Variants in COL25A1 observed in about 807,000 individuals in gnomAD.
COL25A1 encodes the protein collagen type XXV alpha 1 chain.
In COL25A1, 103 loss-of-function variants were observed where a neutral mutation model predicts 128.4. That is an observed-to-expected ratio of 0.80 (90% CI 0.68 to 0.94). The LOEUF (loss-of-function observed/expected upper bound fraction) is 0.94, where lower values mean the gene tolerates loss of function less well. Among genes scored for constraint, COL25A1 ranks in the 40% least tolerant of loss-of-function variants. The pLI is 0.00. For synonymous variants in COL25A1, 279 were observed against 277.2 expected (o/e 1.01, Z -0.06); for missense variants, 745 against 840.0 (o/e 0.89, Z 1.40).
chr4:109,106,823 A>AGT (rs1204488700), intron 3 of COL25A1, among the ~76,000 whole-genome samples: 1 of 152,198 alleles, frequency 6.6e-6, no homozygotes, highest in East Asian at 1.9e-4. Context: ...CATGAAGTGC[A>AGT]GTGGCACAGT....
chr4:108,900,596 C>A (rs1742717506), intron 14 of COL25A1, among the ~76,000 whole-genome samples: 1 of 152,104 alleles, frequency 6.6e-6, no homozygotes, highest in Non-Finnish European at 1.5e-5. Context: ...ATAAAAAAAT[C>A]TTCATTACAT....
chr4:108,907,870 C>T (rs34519008), intron 13 of COL25A1, among the ~76,000 whole-genome samples: 72,514 of 151,784 alleles, frequency 0.48, 19,566 homozygotes, highest in East Asian at 0.93. Flanking sequence ...GTTCAGTACA[C>T]TGGTGTTAGA....
chr4:109,021,810 T>C (rs1560554561), intron 5 of COL25A1: 1 of 451,820 alleles, frequency 2.2e-6, no homozygotes, highest in Non-Finnish European at 4.4e-6. Flanking sequence ...TGGGAGTGTC[T>C]GTCCTATGCG....
chr4:109,265,080 T>C (rs549779448), intron 3 of COL25A1, among the ~76,000 whole-genome samples: 1 of 152,304 alleles, frequency 6.6e-6, no homozygotes, highest in Non-Finnish European at 1.5e-5. Flanking sequence ...TTCAGACATA[T>C]TTGACATTTC....
chr4:109,066,129 T>C (rs1447962692), intron 3 of COL25A1, among the ~76,000 whole-genome samples: 1 of 152,188 alleles, frequency 6.6e-6, no homozygotes, highest in Non-Finnish European at 1.5e-5. Context: ...ATAATAGTGA[T>C]GGAAATATCT....
chr4:109,297,180 G>A (rs1339294525), intron 3 of COL25A1, among the ~76,000 whole-genome samples: 2 of 152,002 alleles, frequency 1.3e-5, no homozygotes, highest in Non-Finnish European at 2.9e-5. Context: ...GAGCTTTTCT[G>A]ACTGCATGAA....
intron 27 of COL25A1, among the ~76,000 whole-genome samples, 169 bp downstream of exon 27, chr4:108,848,590 G>T (rs114367464): frequency 6.6e-6 from 1 of 152,072 alleles, no homozygotes; most frequent in East Asian, 1.9e-4. Context: ...ATGTTTTTGC[G>T]AAGAAAACTA....
At chr4:108,937,192 G>T (rs534093714) in intron 11 of COL25A1, among the ~76,000 whole-genome samples, 3 of 152,186 alleles carry the variant, frequency 2.0e-5, no homozygotes, top group Non-Finnish European at 4.4e-5. Context: ...GAGGGGACAG[G>T]AAGAGGTAGG....
chr4:109,150,003 T>G (rs1054587685), intron 3 of COL25A1, among the ~76,000 whole-genome samples: 2 of 150,850 alleles, frequency 1.3e-5, no homozygotes, highest in African/African-American at 2.5e-5. Context: ...TGTGTGGGTG[T>G]GTGTGTGTGT....
At chr4:108,844,593 G>T in intron 29 of COL25A1, 24 bp from the exon 30 acceptor site, 1 of 1,606,010 alleles carries the variant, frequency 6.2e-7, no homozygotes, top group Non-Finnish European at 8.5e-7. Flanking sequence ...AAATAAAAAT[G>T]TATTTGGTTA....
intron 11 of COL25A1, among the ~76,000 whole-genome samples, chr4:108,928,647 ATCC>A (rs1380897921): frequency 6.6e-6 from 1 of 151,736 alleles, no homozygotes; most frequent in Non-Finnish European, 1.5e-5. Flanking sequence ...GCCTCAAGCG[ATCC>A]TCCTGTCTCA....
chr4:108,930,987 C>G (rs1482310279), intron 11 of COL25A1, among the ~76,000 whole-genome samples: 1 of 152,018 alleles, frequency 6.6e-6, no homozygotes, highest in Non-Finnish European at 1.5e-5. Context: ...TTTGATAAGA[C>G]AGATCAATTA....
chr4:109,299,209 G>A (rs1725275842), intron 3 of COL25A1, among the ~76,000 whole-genome samples: 1 of 152,152 alleles, frequency 6.6e-6, no homozygotes, highest in Non-Finnish European at 1.5e-5. Context: ...GTGAAGTCCT[G>A]CACCAACTGT....
At chr4:109,043,704 C>T (rs1224887721) in intron 5 of COL25A1, among the ~76,000 whole-genome samples, 1 of 152,102 alleles carries the variant, frequency 6.6e-6, no homozygotes, top group East Asian at 1.9e-4. Context: ...AGACTGCACC[C>T]ACTATTGACT....
intron 3 of COL25A1, among the ~76,000 whole-genome samples, chr4:109,151,926 T>A (rs1771539123): frequency 6.6e-6 from 1 of 152,172 alleles, no homozygotes; most frequent in African/African-American, 2.4e-5. Flanking sequence ...CTTAGAGTTT[T>A]AAGCTGATTG....
chr4:109,222,195 C>T (rs1044242560), intron 3 of COL25A1, among the ~76,000 whole-genome samples: 2 of 148,838 alleles, frequency 1.3e-5, no homozygotes, highest in Admixed American at 1.3e-4. Context: ...TCCAGAGTAG[C>T]TAAGATTACA....
intron 3 of COL25A1, among the ~76,000 whole-genome samples, chr4:109,073,217 CAAGA>C (rs1763124368): frequency 1.3e-5 from 2 of 152,092 alleles, no homozygotes; most frequent in Non-Finnish European, 2.9e-5. Flanking sequence ...GGAGAGAAAC[CAAGA>C]CCTTGGCCTC....
At chr4:109,296,886 A>G (rs2126289978) in intron 3 of COL25A1, among the ~76,000 whole-genome samples, 1 of 152,142 alleles carries the variant, frequency 6.6e-6, no homozygotes, top group South Asian at 2.1e-4. Flanking sequence ...AAACATAAAA[A>G]CCTTCTCATA....
chr4:108,836,618 G>A (rs1048741527), intron 31 of COL25A1, among the ~76,000 whole-genome samples: 11 of 152,098 alleles, frequency 7.2e-5, no homozygotes, highest in Admixed American at 3.3e-4. Flanking sequence ...TCTAGCCTGG[G>A]TGACAGAGTG....
Sources: allele counts gnomAD v4.1 joint callset (sites outside exome capture counted in the v4.1 genomes callset), GRCh38; gene constraint gnomAD v4.1.1; transcripts MANE v1.5; gene names NCBI Gene and HGNC (gene_info 2026-07-23, HGNC 2026-07-21).